RBPMS: variants seen among roughly 807,000 people sequenced by gnomAD.
RBPMS encodes RNA-binding protein with multiple splicing.
Under a neutral mutation model 26.8 loss-of-function variants are expected in RBPMS, and 7 were observed. That is an observed-to-expected ratio of 0.26 (90% CI 0.15 to 0.49). RBPMS has a LOEUF of 0.49. RBPMS is among the 20% of genes least tolerant of loss of function. RBPMS has a pLI of 0.98. For synonymous variants in RBPMS, 96 were observed against 93.3 expected, an observed-to-expected ratio of 1.03 and a Z score of -0.17; for missense variants, 186 against 250.0, an observed-to-expected ratio of 0.74 and a Z score of 1.73.
At chr8:30,481,848 C>G (rs1255856020) in intron 4 of RBPMS, among the ~76,000 whole-genome samples, 5 of 152,146 alleles carry the variant, frequency 3.3e-5, no homozygotes. Flanking sequence ...AGAAATCTTT[C>G]CGATGTTGTA....
At chr8:30,429,006 A>G (rs1018543671) in intron 1 of RBPMS, among the ~76,000 whole-genome samples, 3 of 152,176 alleles carry the variant, frequency 2.0e-5, no homozygotes, top group Non-Finnish European at 4.4e-5. Flanking sequence ...TCTAAGACAC[A>G]TCAAAGGTGG....
At chr8:30,492,776 G>A (rs1447124548) in intron 4 of RBPMS, among the ~76,000 whole-genome samples, 1 of 152,174 alleles carries the variant, frequency 6.6e-6, no homozygotes, top group East Asian at 1.9e-4. Flanking sequence ...GCCTGTTTCA[G>A]TAATATAGAC....
chr8:30,489,594 G>A (rs867935056), intron 4 of RBPMS, among the ~76,000 whole-genome samples: 17 of 151,846 alleles, frequency 1.1e-4, no homozygotes, highest in African/African-American at 2.7e-4. Context: ...ACAGGCGCGC[G>A]CCGCCACGCC....
chr8:30,555,578 GGT>G (rs972772631), intron 6 of RBPMS, among the ~76,000 whole-genome samples: 1 of 152,070 alleles, frequency 6.6e-6, no homozygotes, highest in African/African-American at 2.4e-5. Context: ...AGAGAGAGAG[GGT>G]GTGTGTTTGT....
At chr8:30,419,598 G>A (rs987447011) in intron 1 of RBPMS, among the ~76,000 whole-genome samples, 3 of 152,032 alleles carry the variant, frequency 2.0e-5, no homozygotes, top group East Asian at 3.9e-4. Flanking sequence ...TTGACCTCAT[G>A]TGACAGGTTT....
chr8:30,526,513 T>G (rs914114086), intron 5 of RBPMS, among the ~76,000 whole-genome samples: 6 of 152,240 alleles, frequency 3.9e-5, no homozygotes, highest in African/African-American at 1.4e-4. Flanking sequence ...TCCACTGAGA[T>G]AAATTTTCTA....
At chr8:30,416,562 A>T (rs1810102009) in intron 1 of RBPMS, among the ~76,000 whole-genome samples, 1 of 152,140 alleles carries the variant, frequency 6.6e-6, no homozygotes, top group Non-Finnish European at 1.5e-5. Flanking sequence ...GGCCCACTGC[A>T]AGCTCCGTCT....
Position 30,483,699 on chromosome 8 carries a change from A to G in RBPMS, c.246+4322A>G, listed in dbSNP as rs544098489. ...ACCATGTTATGCAATCATTACCACT[A>G]TTTCCAAACTTTTTCATCAACCCAA... is the stretch of plus-strand genomic sequence containing the variant. On this transcript the variant is annotated intron_variant, in intron 4 of 8. Coordinates refer to ENST00000397323, the MANE Select transcript of RBPMS (RefSeq NM_001008710.3). 3.3e-5 allele frequency among the ~76,000 whole-genome samples: 5 copies of G among 152,088 alleles called. No homozygotes were observed. The East Asian group carries it at 9.7e-4, about 29-fold the overall frequency.
intron 5 of RBPMS, among the ~76,000 whole-genome samples, chr8:30,541,874 G>A (rs1293115013): frequency 1.3e-5 from 2 of 152,156 alleles, no homozygotes; most frequent in East Asian, 1.9e-4. Flanking sequence ...GCAAACAAAC[G>A]CAAAAAGCTT....
rs1032920812 is a variant in RBPMS at position 30,523,124 on chromosome 8, C to T, written c.397+18688C>T. 3.9e-5 allele frequency among the ~76,000 whole-genome samples: 6 copies of T among 152,122 alleles called. No homozygotes were observed. The South Asian group carries it at 8.3e-4, about 21-fold the overall frequency. ...TGGCTGCAGTGCTTCACGCTGTAAT[C>T]CCAGCACTTTGGGAGGCTGAGGCAG... is the stretch of plus-strand genomic sequence containing the variant. On this transcript the variant is annotated intron_variant, in intron 5 of 8. Transcript: ENST00000397323.
intron 5 of RBPMS, among the ~76,000 whole-genome samples, chr8:30,511,175 C>T (rs1368876010): frequency 6.6e-6 from 1 of 151,734 alleles, no homozygotes. Context: ...ATTAACTAGG[C>T]GTGGCAGCGC....
At chr8:30,529,879 G>T (rs145452925) in intron 5 of RBPMS, among the ~76,000 whole-genome samples, 1 of 151,550 alleles carries the variant, frequency 6.6e-6, no homozygotes, top group Non-Finnish European at 1.5e-5. Flanking sequence ...TCAGTCTCCC[G>T]AATAGCTGGG....
chr8:30,513,739 T>C (rs889333219), intron 5 of RBPMS, among the ~76,000 whole-genome samples: 3 of 152,180 alleles, frequency 2.0e-5, no homozygotes, highest in African/African-American at 7.2e-5. Context: ...TAAAGGGAGT[T>C]GATTTACTGG....
At chr8:30,434,146 A>G (rs1443229600) in intron 1 of RBPMS, among the ~76,000 whole-genome samples, 1 of 152,026 alleles carries the variant, frequency 6.6e-6, no homozygotes, top group African/African-American at 2.4e-5. Flanking sequence ...AAATAAAATA[A>G]AAATAAAGTC....
chr8:30,532,600 C>G (rs539119553), intron 5 of RBPMS, among the ~76,000 whole-genome samples: 21 of 152,250 alleles, frequency 1.4e-4, no homozygotes, highest in African/African-American at 4.1e-4. Context: ...GGAGAAACAC[C>G]GGTTTGACTT....
rs114252625 is a variant in RBPMS, at chr8:30,483,929, T to G, written c.246+4552T>G. 3.3e-5 allele frequency among the ~76,000 whole-genome samples: 5 copies of G among 152,340 alleles called. No individual in the cohort carries two copies. In the East Asian group the frequency reaches 9.6e-4, roughly 29 times the overall value. The stretch of plus-strand genomic sequence containing the variant: ...GCTGTGGCATTTACCAGAATCAAAT[T>G]CCTTTTTATAGCTAAATAAAATTGT... On this transcript the variant is annotated intron_variant, in intron 4 of 8. Coordinates refer to ENST00000397323, the MANE Select transcript of RBPMS (RefSeq NM_001008710.3).
In RBPMS at chr8:30,571,812, C is replaced by T. The variant is rs891371657; in HGVS notation, c.*1287C>T. On this transcript the variant is annotated 3_prime_UTR_variant, in exon 9 of 9. Coordinates refer to ENST00000397323, the MANE Select transcript of RBPMS (RefSeq NM_001008710.3). ...AGTTCATGACAGCTCAACCTCTCCC[C>T]TTGTACAGAAGCCATTTTTGTAAAA... 1.3e-5 allele frequency: 2 copies of T among 152,264 alleles called. No homozygotes were observed. The highest frequency in any genetic ancestry group is 2.9e-5 in the Non-Finnish European group (2 of 68,050). 9.4% of individuals were successfully genotyped at this position (152,264 alleles called of 1,614,324 possible). A position where few individuals can be genotyped will look rare whatever the true frequency, so the allele number is the denominator to read the frequency against.
At chr8:30,417,710 C>T (rs1162464696) in intron 1 of RBPMS, among the ~76,000 whole-genome samples, 17 of 151,046 alleles carry the variant, frequency 1.1e-4, no homozygotes, top group Admixed American at 1.1e-3. Context: ...TTTGCTCCCT[C>T]TTTTAAATTT....
intron 8 of RBPMS, among the ~76,000 whole-genome samples, chr8:30,569,530 T>A (rs1828125585): frequency 6.6e-6 from 1 of 152,106 alleles, no homozygotes; most frequent in African/African-American, 2.4e-5. Context: ...CTGCTGAAAG[T>A]AGACTGCGGC....
Sources: allele counts gnomAD v4.1 joint callset (sites outside exome capture counted in the v4.1 genomes callset), GRCh38; gene constraint gnomAD v4.1.1; transcripts MANE v1.5; gene names NCBI Gene and HGNC (gene_info 2026-07-23, HGNC 2026-07-21).